The following RBFOX2 variants were observed in gnomAD, a reference collection of about 807,000 sequenced individuals.
The protein encoded by RBFOX2 is RNA binding protein fox-1 homolog 2.
Under a neutral mutation model 49.1 loss-of-function variants are expected in RBFOX2, and 10 were observed. That is an observed-to-expected ratio of 0.20 (90% CI 0.13 to 0.35). The LOEUF (loss-of-function observed/expected upper bound fraction) is 0.35, where lower values mean the gene tolerates loss of function less well. Among genes scored for constraint, RBFOX2 ranks in the 10% least tolerant of loss-of-function variants. RBFOX2 has a pLI of 1.00. For synonymous variants in RBFOX2, 183 were observed against 187.4 expected (o/e 0.98, Z 0.19); for missense variants, 323 against 486.9 (o/e 0.66, Z 3.17).
At chr22:35,824,042 G>A (rs899303639) in intron 1 of RBFOX2, among the ~76,000 whole-genome samples, 7 of 151,980 alleles carry the variant, frequency 4.6e-5, no homozygotes, top group South Asian at 2.1e-4. Context: ...CCAGCTACTC[G>A]GGAGGCTGAG....
intron 1 of RBFOX2, among the ~76,000 whole-genome samples, chr22:35,837,547 C>T (rs1984545306): frequency 1.3e-5 from 2 of 151,910 alleles, no homozygotes; most frequent in South Asian, 4.2e-4. Context: ...CACAACACAA[C>T]CACAGGACAA....
intron 1 of RBFOX2, among the ~76,000 whole-genome samples, chr22:35,839,153 T>C (rs1958246385): frequency 6.6e-6 from 1 of 152,204 alleles, no homozygotes. Context: ...ACTAAAGGAT[T>C]TGAATGTCCT....
intron 1 of RBFOX2, among the ~76,000 whole-genome samples, chr22:35,987,363 G>A (rs990646455): frequency 1.3e-5 from 2 of 152,132 alleles, no homozygotes; most frequent in African/African-American, 4.8e-5. Flanking sequence ...GCAGAAAACA[G>A]ATTTCAGAAA....
At chr22:35,943,904 C>CA (rs1340281233) in intron 1 of RBFOX2, among the ~76,000 whole-genome samples, 2 of 151,950 alleles carry the variant, frequency 1.3e-5, no homozygotes, top group Admixed American at 6.6e-5. Context: ...GACTCCGTCT[C>CA]AAAAAAAACC....
At chr22:35,942,745 T>C (rs1260994303), upstream of RBFOX2, among the ~76,000 whole-genome samples, 2 of 149,746 alleles carry the variant, frequency 1.3e-5, no homozygotes, top group Non-Finnish European at 3.0e-5. Context: ...AAAAGGTAAC[T>C]AAATGCATCG....
chr22:36,004,621 C>T (rs1348451445), intron 1 of RBFOX2, among the ~76,000 whole-genome samples: 1 of 152,108 alleles, frequency 6.6e-6, no homozygotes, highest in Admixed American at 6.5e-5. Context: ...CACAGTGAAA[C>T]CCCATCTCTA....
At chr22:35,788,934 C>T (rs971545144) in intron 2 of RBFOX2, among the ~76,000 whole-genome samples, 3 of 152,072 alleles carry the variant, frequency 2.0e-5, no homozygotes, top group African/African-American at 4.8e-5. Context: ...TCTTCTGGAC[C>T]GGTCCTCTAA....
chr22:35,917,191 C>A (rs1406826198), intron 1 of RBFOX2, among the ~76,000 whole-genome samples: 1 of 152,122 alleles, frequency 6.6e-6, no homozygotes, highest in Admixed American at 6.6e-5. Flanking sequence ...AAAAGGAGCT[C>A]ATGTTGGTAG....
chr22:35,881,263 C>T (rs932041496), intron 1 of RBFOX2, among the ~76,000 whole-genome samples: 3 of 144,888 alleles, frequency 2.1e-5, no homozygotes, highest in Admixed American at 1.4e-4. Flanking sequence ...GACTCCGTCT[C>T]GGGTGGCAGG....
upstream of RBFOX2, among the ~76,000 whole-genome samples, chr22:35,844,210 G>A (rs958648456): frequency 2.6e-5 from 4 of 152,118 alleles, no homozygotes; most frequent in African/African-American, 7.2e-5. Context: ...GGTACATAAC[G>A]GTTGGAGTTA....
chr22:35,766,508 C>T (rs1941005897), intron 5 of RBFOX2, among the ~76,000 whole-genome samples: 1 of 152,052 alleles, frequency 6.6e-6, no homozygotes, highest in African/African-American at 2.4e-5. Context: ...CTTCCTATGT[C>T]TTTTAAGATT....
At chr22:35,816,574 A>G (rs1038430145) in intron 1 of RBFOX2, among the ~76,000 whole-genome samples, 1 of 152,198 alleles carries the variant, frequency 6.6e-6, no homozygotes, top group African/African-American at 2.4e-5. Flanking sequence ...GGAAAAATCT[A>G]TACAATGAAA....
chr22:35,932,218 C>T (rs754916114), intron 1 of RBFOX2, among the ~76,000 whole-genome samples: 2 of 151,842 alleles, frequency 1.3e-5, no homozygotes, highest in Non-Finnish European at 2.9e-5. Context: ...GATATATTTG[C>T]TGTTGTCCAC....
At chr22:35,816,531 T>C (rs1488592232) in intron 1 of RBFOX2, among the ~76,000 whole-genome samples, 1 of 152,158 alleles carries the variant, frequency 6.6e-6, no homozygotes, top group East Asian at 1.9e-4. Flanking sequence ...CCATAAGATG[T>C]TAGGCAACTT....
chr22:35,938,755 G>C, intron 1 of RBFOX2, 92 bp downstream of exon 2: 1 of 1,230,348 alleles, frequency 8.1e-7, no homozygotes, highest in Non-Finnish European at 1.2e-6. Flanking sequence ...TTCAAAGTAA[G>C]TAATTTCAGG....
At chr22:35,872,171 C>G (rs1247251064) in intron 1 of RBFOX2, among the ~76,000 whole-genome samples, 1 of 152,162 alleles carries the variant, frequency 6.6e-6, no homozygotes, top group East Asian at 1.9e-4. Flanking sequence ...ATGTTAATGA[C>G]TGTAAAATGC....
intron 1 of RBFOX2, among the ~76,000 whole-genome samples, chr22:35,917,713 A>C (rs995216477): frequency 4.6e-5 from 7 of 152,206 alleles, no homozygotes; most frequent in African/African-American, 7.2e-5. Context: ...GGGTTCTGTA[A>C]GTCAGTGGCG....
chr22:35,939,524 T>C (rs2053481834), upstream of RBFOX2, among the ~76,000 whole-genome samples: 1 of 152,192 alleles, frequency 6.6e-6, no homozygotes. Flanking sequence ...TATATCATCC[T>C]ATGGACTCAA....
At chr22:35,940,804 A>G (rs1474116891), upstream of RBFOX2, among the ~76,000 whole-genome samples, 1 of 152,214 alleles carries the variant, frequency 6.6e-6, no homozygotes, top group Non-Finnish European at 1.5e-5. Flanking sequence ...TGAAAACACC[A>G]TGCTTGAAAA....
Sources: allele counts gnomAD v4.1 joint callset (sites outside exome capture counted in the v4.1 genomes callset), GRCh38; gene constraint gnomAD v4.1.1; transcripts MANE v1.5; gene names NCBI Gene and HGNC (gene_info 2026-07-23, HGNC 2026-07-21).